The following KLHL29 variants were observed in gnomAD, a reference collection of about 807,000 sequenced individuals.
KLHL29 encodes kelch like family member 29.
KLHL29 carries 21 observed loss-of-function variants against 80.4 expected under a neutral mutation model. The ratio of observed to expected loss-of-function variants is 0.26; its 90% CI spans 0.19 to 0.38. KLHL29 has a LOEUF of 0.38. Ranked by LOEUF, KLHL29 falls within the 10% of genes least tolerant of loss-of-function variation. The pLI is 1.00. For missense variants in KLHL29, 867 were observed against 1,223.9 expected (o/e 0.71, Z 4.35); for synonymous variants, 511 against 526.8 (o/e 0.97, Z 0.41).
In KLHL29 at chr2:23,678,301, T is replaced by C. The variant is rs147903705; in HGVS notation, c.941-6098T>C. Among the ~76,000 whole-genome samples, 154 of 152,256 alleles carry C rather than the reference T, an allele frequency of 1.0e-3. 1 individual carries two copies. The highest frequency in any genetic ancestry group is 3.6e-3 in the African/African-American group (150 of 41,558). Reference sequence around the variant, plus strand: ...ACAGAGCCATTTTACACTCACCACTTAGAACCAATGGGGTTTGAGACGGGT... The same window carrying C: ...ACAGAGCCATTTTACACTCACCACTCAGAACCAATGGGGTTTGAGACGGGT... On this transcript the variant is annotated intron_variant, in intron 5 of 13. Transcript: ENST00000486442.
At chr2:23,577,374 C>T (rs1268739763) in intron 3 of KLHL29, among the ~76,000 whole-genome samples, 1 of 152,098 alleles carries the variant, frequency 6.6e-6, no homozygotes, top group Admixed American at 6.6e-5. Flanking sequence ...TCGCCTGAAC[C>T]CAGGAGGCGG....
At chr2:23,407,847 CT>C (rs1181370792) in intron 1 of KLHL29, among the ~76,000 whole-genome samples, 2 of 152,084 alleles carry the variant, frequency 1.3e-5, no homozygotes, top group Non-Finnish European at 2.9e-5. Flanking sequence ...AGTGAATGAT[CT>C]TTCTGTCCTC....
intron 2 of KLHL29, among the ~76,000 whole-genome samples, chr2:23,527,974 C>A (rs980742588): frequency 2.6e-5 from 4 of 152,222 alleles, no homozygotes; most frequent in Non-Finnish European, 4.4e-5. Context: ...CCCTCTGGGA[C>A]CTGCCTCTAA....
At position 23,455,496 on chromosome 2, in the gene KLHL29, G is replaced by C. The variant is rs112015375; in HGVS notation, c.-153-20064G>C. ...AATCCAGTTAATGTAAGATATTTTG[G>C]TTTGTGAATTTTATTTGCCTTTCTG... On this transcript the variant is annotated intron_variant, in intron 1 of 13. Transcript: ENST00000486442. 9.4e-3 allele frequency among the ~76,000 whole-genome samples: 1,430 copies of C among 152,164 alleles called. 26 individuals carry two copies. Among genetic ancestry groups the C allele is most frequent in the African/African-American group, 0.033 (1,356 of 41,536 alleles).
intron 2 of KLHL29, among the ~76,000 whole-genome samples, chr2:23,537,441 C>G (rs1572386657): frequency 8.5e-5 from 1 of 11,734 alleles, no homozygotes; most frequent in African/African-American, 1.3e-3. Context: ...CACACACACA[C>G]ACACACACAC....
Position 23,391,005 on chromosome 2 carries a change from C to A in KLHL29, c.-154+5225C>A, listed in dbSNP as rs1180792958. On this transcript the variant is annotated intron_variant, in intron 1 of 13. Coordinates refer to ENST00000486442, the MANE Select transcript of KLHL29 (RefSeq NM_052920.2). The stretch of plus-strand genomic sequence containing the variant: ...TTGTTGTGCAAGCAAGCTCCAGAAC[C>A]CTTCGTCTTGCAGAACTGAAAGTCT... Among the ~76,000 whole-genome samples, 4 of 152,324 alleles carry A rather than the reference C, an allele frequency of 2.6e-5. No homozygotes were observed. In the South Asian group the frequency reaches 8.3e-4, roughly 32 times the overall value.
intron 2 of KLHL29, among the ~76,000 whole-genome samples, chr2:23,512,498 C>T (rs973383804): frequency 6.6e-6 from 1 of 151,826 alleles, no homozygotes; most frequent in African/African-American, 2.4e-5. Flanking sequence ...TGTGATATGG[C>T]AAGGATTAAG....
chr2:23,642,218 C>T, intron 4 of KLHL29, 120 bp from the exon 5 acceptor site: 1 of 943,348 alleles, frequency 1.1e-6, no homozygotes, highest in South Asian at 3.9e-5. Flanking sequence ...CGGTCAGTTC[C>T]TGGACGCAGG....
intron 3 of KLHL29, among the ~76,000 whole-genome samples, chr2:23,589,730 C>T (rs1668209453): frequency 6.6e-6 from 1 of 152,200 alleles, no homozygotes; most frequent in Admixed American, 6.5e-5. Flanking sequence ...CAGTCCAACT[C>T]AGCAGCCATC....
chr2:23,429,112 C>A (rs1663092658), intron 1 of KLHL29, among the ~76,000 whole-genome samples: 1 of 152,214 alleles, frequency 6.6e-6, no homozygotes. Context: ...TCCACCTCTC[C>A]CCAACACCAG....
intron 2 of KLHL29, among the ~76,000 whole-genome samples, chr2:23,525,501 C>T (rs1020922700): frequency 6.6e-6 from 1 of 152,268 alleles, no homozygotes; most frequent in Non-Finnish European, 1.5e-5. Flanking sequence ...TGCTCTTGCC[C>T]TGTCTCCCTT....
rs759485626 is a variant in KLHL29 at position 23,695,840 on chromosome 2, C to T, written c.1741+19C>T. On this transcript the variant is annotated intron_variant, in intron 9 of 13. Transcript: ENST00000486442. The surrounding 1 kb of genome is among the most constrained non-coding windows in gnomAD (Gnocchi z 7.6). ...TCTGCAGGTATGAAGGGGCACGCCC[C>T]GAACCTCCCAAGAAGCAGTGTCTTG... is the stretch of plus-strand genomic sequence containing the variant. 4.5e-6 allele frequency: 7 copies of T among 1,542,292 alleles called. No homozygotes were observed. The South Asian group carries it at 6.1e-5, about 13-fold the overall frequency.
In KLHL29 at chr2:23,695,018, G is replaced by A. The variant is rs1671862840; in HGVS notation, c.1543-605G>A. Among the ~76,000 whole-genome samples, 1 of 152,184 alleles carries A rather than the reference G, an allele frequency of 6.6e-6. No homozygotes were observed. Among genetic ancestry groups the A allele is most frequent in the Non-Finnish European group, 1.5e-5 (1 of 68,032 alleles). ...TTACTCATGGGATGAAACGAAAGTAGAGTGATGAGCAGAGTTTGTTAGGAG... is the reference window on the plus strand; with the variant it reads ...TTACTCATGGGATGAAACGAAAGTAAAGTGATGAGCAGAGTTTGTTAGGAG... On this transcript the variant is annotated intron_variant, in intron 8 of 13. Transcript: ENST00000486442. This position sits in a 1 kb window ranked among gnomAD's most constrained non-coding sequence, Gnocchi z 7.6.
chr2:23,678,309 A>G (rs1364488108), intron 5 of KLHL29, among the ~76,000 whole-genome samples: 2 of 152,132 alleles, frequency 1.3e-5, no homozygotes, highest in Admixed American at 6.5e-5. Context: ...CTTAGAACCA[A>G]TGGGGTTTGA....
intron 2 of KLHL29, among the ~76,000 whole-genome samples, chr2:23,507,844 C>T (rs1238761696): frequency 6.6e-6 from 1 of 152,214 alleles, no homozygotes; most frequent in East Asian, 1.9e-4. Context: ...TAAAAGGTCG[C>T]TAAGATCACT....
chr2:23,399,655 A>G (rs1021821791), intron 1 of KLHL29, among the ~76,000 whole-genome samples: 5 of 152,226 alleles, frequency 3.3e-5, no homozygotes, highest in African/African-American at 1.2e-4. Context: ...AGTTTCAATA[A>G]TTGTGAACCT....
chr2:23,389,009 T>A (rs1448310567), intron 1 of KLHL29, among the ~76,000 whole-genome samples: 13 of 98,124 alleles, frequency 1.3e-4, no homozygotes, highest in Non-Finnish European at 2.3e-4. Context: ...TTTTTTTTTT[T>A]AAAATCCCAG....
chr2:23,530,622 G>A (rs1159861859), intron 2 of KLHL29, among the ~76,000 whole-genome samples: 3 of 152,148 alleles, frequency 2.0e-5, no homozygotes, highest in Non-Finnish European at 2.9e-5. Context: ...TTCTTCCATC[G>A]TGTGGAATAT....
At chr2:23,471,067 G>C (rs1664484000) in intron 1 of KLHL29, among the ~76,000 whole-genome samples, 1 of 152,178 alleles carries the variant, frequency 6.6e-6, no homozygotes, top group South Asian at 2.1e-4. Context: ...CCCATATCTG[G>C]GCTGACAGGA....
Sources: allele counts gnomAD v4.1 joint callset (sites outside exome capture counted in the v4.1 genomes callset), GRCh38; gene constraint gnomAD v4.1.1; non-coding constraint Gnocchi (gnomAD v3.1); transcripts MANE v1.5; gene names NCBI Gene and HGNC (gene_info 2026-07-23, HGNC 2026-07-21).